The following RTN1 variants were observed in gnomAD, a reference collection of about 807,000 sequenced individuals.
The protein encoded by RTN1 is reticulon-1.
In RTN1, 25 loss-of-function variants were observed where a neutral mutation model predicts 65.5. That is an observed-to-expected ratio of 0.38 (90% CI 0.28 to 0.53). RTN1 has a LOEUF of 0.53. Ranked by LOEUF, RTN1 falls within the 20% of genes least tolerant of loss-of-function variation. The pLI is 0.79. For missense variants in RTN1, 983 were observed against 1,025.4 expected (o/e 0.96, Z 0.57); for synonymous variants, 471 against 447.6 (o/e 1.05, Z -0.66).
chr14:59,792,108 G>A (rs1368688890), intron 1 of RTN1, among the ~76,000 whole-genome samples: 1 of 152,100 alleles, frequency 6.6e-6, no homozygotes, highest in Non-Finnish European at 1.5e-5. Context: ...ATAGCATGGG[G>A]CTGTACCGCT....
intron 2 of RTN1, 81 bp downstream of exon 2, chr14:59,745,627 G>T: frequency 8.2e-7 from 1 of 1,224,634 alleles, no homozygotes; most frequent in Non-Finnish European, 1.1e-6. Context: ...AATGAAAATT[G>T]TCATTCCTTA....
intron 3 of RTN1, among the ~76,000 whole-genome samples, chr14:59,660,573 G>A (rs955389469): frequency 2.6e-5 from 4 of 151,996 alleles, no homozygotes; most frequent in African/African-American, 4.8e-5. Flanking sequence ...TTAGAACTCA[G>A]GATTAAGGAA....
At chr14:59,608,425 C>G (rs1053571090) in intron 3 of RTN1, among the ~76,000 whole-genome samples, 1 of 152,202 alleles carries the variant, frequency 6.6e-6, no homozygotes. Flanking sequence ...TTGAAGAGAG[C>G]AGGGAGCTAC....
rs540469362 is a variant in RTN1, at chr14:59,743,297, C to T, written c.1015+2411G>A. Among the ~76,000 whole-genome samples, 36 of 152,286 alleles carry T rather than the reference C, an allele frequency of 2.4e-4. No individual in the cohort carries two copies. In the East Asian group the frequency reaches 5.8e-3, roughly 24 times the overall value. On this transcript the variant is annotated intron_variant, in intron 2 of 8. Transcript: ENST00000267484. ...GGACCCTTTGTCAAGTCTTTGCAAACTGTAATTTTTACATGAAGCATGTGC... is the reference window on the plus strand; with the variant it reads ...GGACCCTTTGTCAAGTCTTTGCAAATTGTAATTTTTACATGAAGCATGTGC...
chr14:59,630,346 C>T, intron 3 of RTN1: 1 of 1,473,372 alleles, frequency 6.8e-7, no homozygotes. Flanking sequence ...GGGTATAAAG[C>T]ATGCACAGGT....
rs565568717 is a variant in RTN1, at chr14:59,766,301, T to G, written c.242-19820A>C. 6.6e-6 allele frequency among the ~76,000 whole-genome samples: 1 copy of G among 152,220 alleles called. No homozygotes were observed. Among genetic ancestry groups the G allele is most frequent in the South Asian group, 2.1e-4 (1 of 4,824 alleles). On this transcript the variant is annotated intron_variant, in intron 1 of 8. Transcript: ENST00000267484. This position sits in a 1 kb window ranked among gnomAD's most constrained non-coding sequence, Gnocchi z 4.4. ...AACACAAGGTAGTTTTCGAAATAAA[T>G]GCTTACTGAAAAGAGCAGCTGGATA...
Position 59,727,441 on chromosome 14 carries a change from G to C in RTN1, c.1243C>G (p.Leu415Val), listed in dbSNP as rs552526309. 3 of 1,555,834 alleles carry C rather than the reference G, an allele frequency of 1.9e-6. No individual in the cohort carries two copies. Among genetic ancestry groups the C allele is most frequent in the South Asian group, 2.4e-5 (2 of 84,712 alleles). ...GCGGCCATGGGGTCCTCGGACACCA[G>C]CTCGATCTCTGAGTCCCCCGACTCC... Reference protein sequence around the residue: ...SAESGDSEIELVSEDPMAAED... With the variant: ...SAESGDSEIEVVSEDPMAAED... Residue 415 changes from leucine to valine, a missense_variant, in exon 3 of 9, where the codon CTG becomes GTG. Leu to Val is a conservative substitution (Grantham distance 32). Coordinates refer to ENST00000267484, the MANE Select transcript of RTN1 (RefSeq NM_021136.3). This position sits in a 1 kb window ranked among gnomAD's most constrained non-coding sequence, Gnocchi z 4.2.
At chr14:59,759,036 G>T (rs28615656) in intron 1 of RTN1, among the ~76,000 whole-genome samples, 8,690 of 152,218 alleles carry the variant, frequency 0.057, 803 homozygotes, top group African/African-American at 0.2. Flanking sequence ...GTGGGTTGCA[G>T]TATCTGCTGA....
intron 1 of RTN1, among the ~76,000 whole-genome samples, chr14:59,844,182 G>A (rs1300868710): frequency 6.6e-6 from 1 of 152,178 alleles, no homozygotes; most frequent in Non-Finnish European, 1.5e-5. Flanking sequence ...AGACAAATGT[G>A]CTATGGTTTG....
At position 59,761,933 on chromosome 14, in the gene RTN1, A is replaced by G. The variant is rs143110721; in HGVS notation, c.242-15452T>C. Among the ~76,000 whole-genome samples, 4 of 152,332 alleles carry G rather than the reference A, an allele frequency of 2.6e-5. No individual in the cohort carries two copies. The East Asian group carries it at 7.7e-4, about 29-fold the overall frequency. On this transcript the variant is annotated intron_variant, in intron 1 of 8. Coordinates refer to ENST00000267484, the MANE Select transcript of RTN1 (RefSeq NM_021136.3). Reference sequence around the variant, plus strand: ...GAGTGGTATCCTTTGGGAAGCACACAGAGCAAGCAAATGAGGATGACAACT... The same window carrying G: ...GAGTGGTATCCTTTGGGAAGCACACGGAGCAAGCAAATGAGGATGACAACT...
chr14:59,666,977 A>C (rs1216885599), intron 3 of RTN1, among the ~76,000 whole-genome samples: 1 of 150,088 alleles, frequency 6.7e-6, no homozygotes, highest in Non-Finnish European at 1.5e-5. Flanking sequence ...AAAAAAAAAA[A>C]AAAAAAAAAA....
intron 2 of RTN1, among the ~76,000 whole-genome samples, chr14:59,741,558 G>C (rs1382986115): frequency 5.3e-5 from 8 of 152,160 alleles, no homozygotes; most frequent in Non-Finnish European, 1.2e-4. Context: ...GGAGTAAATG[G>C]TCAACACATA....
chr14:59,662,167 T>A (rs952795325), intron 3 of RTN1, among the ~76,000 whole-genome samples: 1 of 152,078 alleles, frequency 6.6e-6, no homozygotes, highest in African/African-American at 2.4e-5. Context: ...TTTTTTCTTT[T>A]TTTTTTATTA....
intron 2 of RTN1, among the ~76,000 whole-genome samples, chr14:59,736,815 A>C (rs1368770865): frequency 6.6e-6 from 1 of 152,230 alleles, no homozygotes; most frequent in Non-Finnish European, 1.5e-5. Flanking sequence ...AGCACATCAA[A>C]AAGTTTATCC....
chr14:59,798,840 C>T (rs759228868), intron 1 of RTN1, among the ~76,000 whole-genome samples: 1 of 151,986 alleles, frequency 6.6e-6, no homozygotes, highest in Non-Finnish European at 1.5e-5. Context: ...TTCTGTTTAC[C>T]ACAGTGTTGA....
chr14:59,596,459 G>C lies in RTN1; in HGVS notation c.*286C>G, dbSNP rs1209167146. 1 of 255,728 alleles carries C rather than the reference G, an allele frequency of 3.9e-6. No homozygotes were observed. Among genetic ancestry groups the C allele is most frequent in the African/African-American group, 2.2e-5 (1 of 44,866 alleles). The allele number at this position is 255,728 out of a possible 1,614,324, so 15.8% of individuals were successfully genotyped here. ...GAGAAGAGAAGAAGAACACCGAAGA[G>C]GGAAAGATAACTTGGGCTCTCACCA... On this transcript the variant is annotated 3_prime_UTR_variant, in exon 9 of 9. Coordinates refer to ENST00000267484, the MANE Select transcript of RTN1 (RefSeq NM_021136.3).
intron 1 of RTN1, among the ~76,000 whole-genome samples, chr14:59,753,376 G>C (rs1298592956): frequency 1.3e-5 from 2 of 152,116 alleles, no homozygotes; most frequent in African/African-American, 4.8e-5. Context: ...GAGGAACAAA[G>C]TTATTTGTGT....
intron 3 of RTN1, among the ~76,000 whole-genome samples, chr14:59,618,526 A>T (rs969038315): frequency 6.6e-6 from 1 of 152,208 alleles, no homozygotes; most frequent in African/African-American, 2.4e-5. Context: ...TGCTCCCTGA[A>T]TGCTCAGTGA....
At chr14:59,864,851 A>T (rs902962153) in intron 1 of RTN1, among the ~76,000 whole-genome samples, 3 of 152,200 alleles carry the variant, frequency 2.0e-5, no homozygotes, top group African/African-American at 7.2e-5. Flanking sequence ...CGGGACAAAA[A>T]TAATTTTAAT....
Sources: allele counts gnomAD v4.1 joint callset (sites outside exome capture counted in the v4.1 genomes callset), GRCh38; gene constraint gnomAD v4.1.1; non-coding constraint Gnocchi (gnomAD v3.1); transcripts MANE v1.5; gene names NCBI Gene and HGNC (gene_info 2026-07-23, HGNC 2026-07-21).